The following HIVEP3 variants were observed in gnomAD, a reference collection of about 807,000 sequenced individuals.
The protein encoded by HIVEP3 is transcription factor HIVEP3.
A neutral mutation model predicts 152.8 loss-of-function variants in HIVEP3; 49 were observed. The ratio of observed to expected loss-of-function variants is 0.32; its 90% CI spans 0.26 to 0.41. HIVEP3 has a LOEUF of 0.41. Among genes scored for constraint, HIVEP3 ranks in the 10% least tolerant of loss-of-function variants. The pLI, the probability that HIVEP3 is intolerant of heterozygous loss-of-function variation, is 1.00. For synonymous variants in HIVEP3, 1,269 were observed against 1,289.0 expected (o/e 0.98, Z 0.33); for missense variants, 2,790 against 3,103.3 (o/e 0.90, Z 2.40).
chr1:41,993,521 G>A (rs1645376143), intron 1 of HIVEP3, among the ~76,000 whole-genome samples: 1 of 152,082 alleles, frequency 6.6e-6, no homozygotes, highest in African/African-American at 2.4e-5. Context: ...AGAGGAAGTG[G>A]AGAAATAGGA....
rs923609113 is a variant in HIVEP3, at chr1:41,995,795, C to T, written n.119+40012G>A. On this transcript the variant is annotated intron_variant and non_coding_transcript_variant, in intron 1 of 3. Transcript: ENST00000489103. ...TTTAGACTTTGATGAGTGAGATATG[C>T]CTATTGTCTCTTTTTGGGTTCATCT... Among the ~76,000 whole-genome samples the T allele has an allele frequency of 3.3e-5, 5 of 152,176 alleles. No homozygotes were observed. In the East Asian group the frequency reaches 7.7e-4, roughly 23 times the overall value.
At chr1:41,776,177 C>G (rs1460258078) in intron 1 of HIVEP3, among the ~76,000 whole-genome samples, 1 of 152,224 alleles carries the variant, frequency 6.6e-6, no homozygotes, top group Non-Finnish European at 1.5e-5. Context: ...CCGTGCAGTC[C>G]ATAAAAGAAA....
At chr1:41,745,387 G>A (rs1038379941) in intron 1 of HIVEP3, among the ~76,000 whole-genome samples, 8 of 152,182 alleles carry the variant, frequency 5.3e-5, no homozygotes, top group South Asian at 2.1e-4. Flanking sequence ...CTGTTTGATC[G>A]TTAAAAGCCA....
intron 3 of HIVEP3, among the ~76,000 whole-genome samples, chr1:41,590,163 C>T (rs1306864120): frequency 6.6e-6 from 1 of 152,196 alleles, no homozygotes; most frequent in Non-Finnish European, 1.5e-5. Flanking sequence ...CAGATATAAG[C>T]ATATGGGTCT....
At chr1:41,622,418 C>T (rs751178814) in intron 3 of HIVEP3, among the ~76,000 whole-genome samples, 1 of 152,124 alleles carries the variant, frequency 6.6e-6, no homozygotes, top group African/African-American at 2.4e-5. Flanking sequence ...ATGGAGATAA[C>T]GGGAACAGGC....
intron 1 of HIVEP3, among the ~76,000 whole-genome samples, chr1:41,913,142 G>A (rs1049394671): frequency 2.0e-5 from 3 of 152,196 alleles, no homozygotes; most frequent in Admixed American, 2.0e-4. Context: ...TTCCTTGAGT[G>A]CAAATTGAAA....
At chr1:41,889,031 G>A (rs949450313) in intron 1 of HIVEP3, among the ~76,000 whole-genome samples, 12 of 117,326 alleles carry the variant, frequency 1.0e-4, no homozygotes, top group Admixed American at 5.1e-4. Context: ...TACCTCACAC[G>A]CTACACACAC....
At chr1:41,575,735 A>T in intron 4 of HIVEP3, 46 bp from the exon 5 acceptor site, 1 of 1,600,850 alleles carries the variant, frequency 6.2e-7, no homozygotes, top group Non-Finnish European at 8.5e-7. Flanking sequence ...TTAAAAGTGC[A>T]TCCTCAGTCA....
Position 41,888,768 on chromosome 1 carries a change from C to T in HIVEP3, c.-801+29645G>A, listed in dbSNP as rs534375286. 3.6e-3 allele frequency among the ~76,000 whole-genome samples: 443 copies of T among 121,558 alleles called. 1 individual carries two copies. Among genetic ancestry groups the T allele is most frequent in the Non-Finnish European group, 5.4e-3 (321 of 59,202 alleles). The allele number at this position is 121,558 out of a possible 152,430, so 79.7% of individuals were successfully genotyped here. ...CCCCACACCACATACCTCACACATG[C>T]GCACCCCCACATACCTCATACACAT... On this transcript the variant is annotated intron_variant, in intron 1 of 8. Transcript: ENST00000372583.
chr1:41,656,023 AG>A (rs1309274960), intron 2 of HIVEP3, among the ~76,000 whole-genome samples: 2 of 152,192 alleles, frequency 1.3e-5, no homozygotes, highest in Non-Finnish European at 2.9e-5. Context: ...GTCTTCTTTA[AG>A]AAAAAAAATA....
At chr1:41,884,746 G>A (rs2993119) in intron 1 of HIVEP3, among the ~76,000 whole-genome samples, 118,232 of 151,168 alleles carry the variant, frequency 0.78, 46,604 homozygotes, top group East Asian at 1. Flanking sequence ...CCAACCTCAG[G>A]CTCCTCCTGG....
At chr1:41,536,190 A>G (rs1041965823) in intron 5 of HIVEP3, among the ~76,000 whole-genome samples, 3 of 152,156 alleles carry the variant, frequency 2.0e-5, no homozygotes, top group African/African-American at 4.8e-5. Flanking sequence ...TCTGCCATGC[A>G]GTGGGCTCCC....
At chr1:41,762,281 C>T (rs1647741842) in intron 1 of HIVEP3, among the ~76,000 whole-genome samples, 1 of 152,162 alleles carries the variant, frequency 6.6e-6, no homozygotes, top group Admixed American at 6.5e-5. Context: ...CCCTTCTCAC[C>T]CTTCAACTGT....
chr1:41,831,204 A>T (rs533223716), intron 1 of HIVEP3, among the ~76,000 whole-genome samples: 2 of 152,316 alleles, frequency 1.3e-5, no homozygotes, highest in East Asian at 3.9e-4. Context: ...GAATGAATGA[A>T]TGAGAATCTG....
At chr1:41,966,505 G>A (rs1417208270) in intron 1 of HIVEP3, among the ~76,000 whole-genome samples, 1 of 45,038 alleles carries the variant, frequency 2.2e-5, no homozygotes, top group South Asian at 9.9e-4. Context: ...ATGGAGTCTC[G>A]CTCTTTCACC....
In HIVEP3 at chr1:41,803,803, G is replaced by A. The variant is rs367794475; in HGVS notation, c.-800-102808C>T. Among the ~76,000 whole-genome samples the A allele has an allele frequency of 1.1e-3, 171 of 152,334 alleles. 4 individuals are homozygous for A. In the South Asian group the frequency reaches 0.034, roughly 30 times the overall value. On this transcript the variant is annotated intron_variant, in intron 1 of 8. Transcript: ENST00000372583. ...ATGTCACACAAACTCCCCTTGTTGA[G>A]GGATCACGGGGAAAATGTATCTTAG...
At chr1:41,642,186 AC>A (rs1023413483) in intron 2 of HIVEP3, among the ~76,000 whole-genome samples, 24 of 152,264 alleles carry the variant, frequency 1.6e-4, no homozygotes, top group African/African-American at 5.5e-4. Context: ...CGATCCATAG[AC>A]CCAGACAGAC....
chr1:41,703,784 T>C (rs540276062), intron 1 of HIVEP3, among the ~76,000 whole-genome samples: 7 of 152,352 alleles, frequency 4.6e-5, no homozygotes, highest in Non-Finnish European at 8.8e-5. Context: ...TAAATATCTA[T>C]GCTTAAGTAT....
chr1:41,516,661 C>A (rs973946547), intron 7 of HIVEP3, among the ~76,000 whole-genome samples: 1 of 152,208 alleles, frequency 6.6e-6, no homozygotes, highest in Admixed American at 6.5e-5. Flanking sequence ...CCATGCCCTT[C>A]AGCCCTCAGG....
Sources: gnomAD v4.1 joint callset for allele counts (sites outside exome capture counted in the v4.1 genomes callset) on GRCh38, gnomAD v4.1.1 for gene constraint, MANE v1.5 for transcripts, NCBI Gene and HGNC (gene_info 2026-07-23, HGNC 2026-07-21) for gene names.